Variants in WDR25 observed in about 807,000 individuals in gnomAD.
WDR25 encodes WD repeat-containing protein 25.
Under a neutral mutation model 47.7 loss-of-function variants are expected in WDR25, and 35 were observed. That is an observed-to-expected ratio of 0.73 (90% CI 0.56 to 0.97). The LOEUF (loss-of-function observed/expected upper bound fraction) is 0.97. Ranked by LOEUF, WDR25 falls within the 50% of genes least tolerant of loss-of-function variation. The pLI is 0.00. For synonymous variants in WDR25, 248 were observed against 278.9 expected, an observed-to-expected ratio of 0.89 and a Z score of 1.10; for missense variants, 634 against 704.7, an observed-to-expected ratio of 0.90 and a Z score of 1.14.
intron 4 of WDR25, among the ~76,000 whole-genome samples, chr14:100,518,911 ACT>A (rs1901602155): frequency 6.6e-6 from 1 of 150,430 alleles, no homozygotes; most frequent in African/African-American, 2.4e-5. Flanking sequence ...AAAAAAAAGG[ACT>A]CTGTTGACAA....
At chr14:100,384,746 C>T (rs1401656804) in intron 2 of WDR25, among the ~76,000 whole-genome samples, 1 of 152,020 alleles carries the variant, frequency 6.6e-6, no homozygotes. Context: ...TGCAGCAGTA[C>T]ACCCTTCCCA....
intron 1 of WDR25, 177 bp downstream of exon 1, chr14:100,376,672 T>C: frequency 8.1e-7 from 1 of 1,231,646 alleles, no homozygotes; most frequent in Non-Finnish European, 1.0e-6. Context: ...ACAGCTCAGC[T>C]AACTCCTATT....
At position 100,430,649 on chromosome 14, in the gene WDR25, C is replaced by T. The variant is rs1286879697; in HGVS notation, c.823-37372C>T. Among the ~76,000 whole-genome samples, 2 of 152,164 alleles carry T rather than the reference C, an allele frequency of 1.3e-5. No homozygotes were observed. Among genetic ancestry groups the T allele is most frequent in the African/African-American group, 4.8e-5 (2 of 41,430 alleles). The stretch of plus-strand genomic sequence containing the variant: ...CTGTTTGCAGATGAGGACACTGAGG[C>T]ACAGTGGGAACCAGCGGCTGTTATA... On this transcript the variant is annotated intron_variant, in intron 2 of 6. Coordinates refer to ENST00000402312, the MANE Select transcript of WDR25 (RefSeq NM_001161476.3). The surrounding 1 kb of genome is among the most constrained non-coding windows in gnomAD (Gnocchi z 4.7).
intron 2 of WDR25, among the ~76,000 whole-genome samples, chr14:100,459,945 T>TATATATATATAC (rs1566920424): frequency 1.2e-5 from 1 of 83,962 alleles, no homozygotes; most frequent in Non-Finnish European, 2.8e-5. Context: ...TATATACACA[T>TATATATATATAC]ACACATACAC....
rs1413858270 is a variant in WDR25, at chr14:100,506,117, A to G, written c.1102-19753A>G. Among the ~76,000 whole-genome samples, 1 of 152,044 alleles carries G rather than the reference A, an allele frequency of 6.6e-6. No homozygotes were observed. Among genetic ancestry groups the G allele is most frequent in the Non-Finnish European group, 1.5e-5 (1 of 68,008 alleles). On this transcript the variant is annotated intron_variant, in intron 4 of 6. Coordinates refer to ENST00000402312, the MANE Select transcript of WDR25 (RefSeq NM_001161476.3). The surrounding 1 kb of genome is among the most constrained non-coding windows in gnomAD (Gnocchi z 4.8). ...TGTCTATTGTGCCATCTTTATTTCC[A>G]CAAGTACCCAAAGTTTAGCTTCCAC...
intron 2 of WDR25, among the ~76,000 whole-genome samples, chr14:100,446,381 C>T (rs1898832083): frequency 6.6e-6 from 1 of 151,718 alleles, no homozygotes; most frequent in South Asian, 2.1e-4. Flanking sequence ...ATGGTTAGGC[C>T]ATCTACTAAA....
rs535711637 is a variant in WDR25, at chr14:100,391,339, C to T, written c.822+9593C>T. On this transcript the variant is annotated intron_variant, in intron 2 of 6. Coordinates refer to ENST00000402312, the MANE Select transcript of WDR25 (RefSeq NM_001161476.3). ...CCTGCGCCACCATGATGAATGTGTG[C>T]GTGGTGCCAGGGATCGATGGGCATA... Among the ~76,000 whole-genome samples the T allele has an allele frequency of 3.9e-5, 6 of 152,274 alleles. No individual in the cohort carries two copies. In the South Asian group the frequency reaches 6.2e-4, roughly 16 times the overall value.
At chr14:100,464,173 T>G (rs1215576576) in intron 2 of WDR25, among the ~76,000 whole-genome samples, 2 of 152,186 alleles carry the variant, frequency 1.3e-5, no homozygotes, top group Non-Finnish European at 2.9e-5. Context: ...GCAGTGGCCC[T>G]TCTTGCTGTT....
In WDR25 at chr14:100,468,212, C is replaced by T. The variant is rs745875130; in HGVS notation, c.970+44C>T. ...CTCCCTGAGGTGAGCTGGCAGCTCT[C>T]TCCCTGGGGAAGGTTCTCTGGTGGG... On this transcript the variant is annotated intron_variant, in intron 3 of 6. Transcript: ENST00000402312. The surrounding 1 kb of genome is among the most constrained non-coding windows in gnomAD (Gnocchi z 4.5). 9 of 1,587,226 alleles carry T rather than the reference C, an allele frequency of 5.7e-6. No homozygotes were observed. The highest frequency in any genetic ancestry group is 7.7e-6 in the Non-Finnish European group (9 of 1,166,138).
rs1170803695 is a variant in WDR25, at chr14:100,425,954, TCCAC to T, written c.823-42064_823-42061del. ...CTTGCGAGGACGCCGTCCTGACATT[TCCAC>T]CCCAAATGGGATTTGCATAAGCCCA... is the stretch of plus-strand genomic sequence containing the variant. On this transcript the variant is annotated intron_variant, in intron 2 of 6. Coordinates refer to ENST00000402312, the MANE Select transcript of WDR25 (RefSeq NM_001161476.3). This position sits in a 1 kb window ranked among gnomAD's most constrained non-coding sequence, Gnocchi z 4.8. Among the ~76,000 whole-genome samples the T allele has an allele frequency of 6.6e-6, 1 of 152,186 alleles. No individual in the cohort carries two copies. The highest frequency in any genetic ancestry group is 2.4e-5 in the African/African-American group (1 of 41,444).
chr14:100,471,676 T>C (rs2140301606), intron 3 of WDR25, among the ~76,000 whole-genome samples: 1 of 152,358 alleles, frequency 6.6e-6, no homozygotes, highest in South Asian at 2.1e-4. Context: ...CCATTGTCAT[T>C]AATTTGGCGC....
chr14:100,482,880 G>A (rs960606011), intron 3 of WDR25, among the ~76,000 whole-genome samples: 5 of 149,398 alleles, frequency 3.3e-5, no homozygotes, highest in South Asian at 4.4e-4. Context: ...GAGTTTCTAC[G>A]GGTACAAGGC....
At position 100,488,267 on chromosome 14, in the gene WDR25, C is replaced by T. The variant is rs968553870; in HGVS notation, c.1101+4143C>T. On this transcript the variant is annotated intron_variant, in intron 4 of 6. Transcript: ENST00000402312. The surrounding 1 kb of genome is among the most constrained non-coding windows in gnomAD (Gnocchi z 4.2). ...TACTTACTTGAAACTGGCTTCCTGC[C>T]GCTGCTGCAGCATCCTCTGACCCCT... 1.8e-4 allele frequency among the ~76,000 whole-genome samples: 27 copies of T among 152,238 alleles called. No individual in the cohort carries two copies. Among genetic ancestry groups the T allele is most frequent in the African/African-American group, 6.0e-4 (25 of 41,552 alleles).
intron 3 of WDR25, among the ~76,000 whole-genome samples, chr14:100,471,718 T>C (rs1333530418): frequency 6.6e-6 from 1 of 152,210 alleles, no homozygotes; most frequent in Non-Finnish European, 1.5e-5. Flanking sequence ...CCTCAATCAA[T>C]ACAGTTAAAA....
rs1333539995 is a variant in WDR25, at chr14:100,500,278, G to GT, written c.1101+16156dup. On this transcript the variant is annotated intron_variant, in intron 4 of 6. Coordinates refer to ENST00000402312, the MANE Select transcript of WDR25 (RefSeq NM_001161476.3). The surrounding 1 kb of genome is among the most constrained non-coding windows in gnomAD (Gnocchi z 4.7). ...TTCTCTCCTGCTGCGGTTCTGGGTG[G>GT]TTCAGGACCTGCGGGGGCTGCGGGG... 1.3e-5 allele frequency among the ~76,000 whole-genome samples: 2 copies of GT among 152,152 alleles called. No homozygotes were observed. Among genetic ancestry groups the GT allele is most frequent in the Admixed American group, 1.3e-4 (2 of 15,282 alleles).
chr14:100,479,577 A>G (rs1167145444), intron 3 of WDR25, among the ~76,000 whole-genome samples: 1 of 152,240 alleles, frequency 6.6e-6, no homozygotes, highest in Non-Finnish European at 1.5e-5. Flanking sequence ...GATGACTTAA[A>G]AAATCTTTAT....
At position 100,409,396 on chromosome 14, in the gene WDR25, A is replaced by G. The variant is rs1203288495; in HGVS notation, c.822+27650A>G. Among the ~76,000 whole-genome samples, 9 of 152,276 alleles carry G rather than the reference A, an allele frequency of 5.9e-5. 1 individual carries two copies. In the East Asian group the frequency reaches 1.5e-3, roughly 26 times the overall value. ...ATTTTAACTTTAATGCCATTGTCAC[A>G]AGCTATGTCACCATGCAGAGGACCC... On this transcript the variant is annotated intron_variant, in intron 2 of 6. Coordinates refer to ENST00000402312, the MANE Select transcript of WDR25 (RefSeq NM_001161476.3).
intron 3 of WDR25, among the ~76,000 whole-genome samples, chr14:100,481,651 T>C (rs1432641819): frequency 6.6e-6 from 1 of 152,192 alleles, no homozygotes; most frequent in East Asian, 1.9e-4. Context: ...ACGTCTTGAA[T>C]GTTTTAAATT....
At position 100,395,992 on chromosome 14, in the gene WDR25, T is replaced by G. The variant is rs1897250412; in HGVS notation, c.822+14246T>G. On this transcript the variant is annotated intron_variant, in intron 2 of 6. Coordinates refer to ENST00000402312, the MANE Select transcript of WDR25 (RefSeq NM_001161476.3). ...GAAATGTTTTTTTTTTTTTTTTTTT[T>G]TTGAGACGGAGTCTCGCTCTGTCGC... is the stretch of plus-strand genomic sequence containing the variant. Among the ~76,000 whole-genome samples the G allele has an allele frequency of 2.0e-5, 3 of 151,102 alleles. No individual in the cohort carries two copies. In the South Asian group the frequency reaches 6.3e-4, roughly 32 times the overall value.
Sources: gnomAD v4.1 joint callset for allele counts (sites outside exome capture counted in the v4.1 genomes callset) on GRCh38, gnomAD v4.1.1 for gene constraint, Gnocchi (gnomAD v3.1) non-coding constraint, MANE v1.5 for transcripts, NCBI Gene and HGNC (gene_info 2026-07-23, HGNC 2026-07-21) for gene names.